Variants in CAB39 observed in about 807,000 individuals in gnomAD.
The protein encoded by CAB39 is calcium binding protein 39, also known as calcium-binding protein 39.
In CAB39, 8 loss-of-function variants were observed where a neutral mutation model predicts 40.0. The ratio of observed to expected loss-of-function variants is 0.20; its 90% CI spans 0.12 to 0.36. The LOEUF is 0.36. Among genes scored for constraint, CAB39 ranks in the 10% least tolerant of loss-of-function variants. The pLI is 1.00. For missense variants in CAB39, 270 were observed against 401.1 expected (o/e 0.67, Z 2.79); for synonymous variants, 156 against 141.6 (o/e 1.10, Z -0.72).
intron 2 of CAB39, among the ~76,000 whole-genome samples, chr2:230,771,061 ATAAAT>A (rs900670786): frequency 9.2e-5 from 14 of 152,340 alleles, no homozygotes; most frequent in African/African-American, 2.4e-4. Context: ...GGCAATAAAA[ATAAAT>A]TAAAGGCATT....
intron 2 of CAB39, among the ~76,000 whole-genome samples, chr2:230,790,422 C>G (rs1387532886): frequency 6.6e-6 from 1 of 152,172 alleles, no homozygotes; most frequent in Non-Finnish European, 1.5e-5. Flanking sequence ...CTTATTTCCT[C>G]CACACCTTTT....
chr2:230,759,238 C>T (rs1695247546), intron 1 of CAB39, among the ~76,000 whole-genome samples: 1 of 152,108 alleles, frequency 6.6e-6, no homozygotes, highest in African/African-American at 2.4e-5. Context: ...CTCTGAGACC[C>T]TGTGACTGCC....
At chr2:230,728,949 A>T (rs1694635417) in intron 1 of CAB39, among the ~76,000 whole-genome samples, 1 of 152,230 alleles carries the variant, frequency 6.6e-6, no homozygotes, top group Non-Finnish European at 1.5e-5. Flanking sequence ...CATTCTAAGT[A>T]AAACACCAGC....
At chr2:230,740,659 G>A (rs748444780) in intron 1 of CAB39, among the ~76,000 whole-genome samples, 1 of 152,126 alleles carries the variant, frequency 6.6e-6, no homozygotes, top group South Asian at 2.1e-4. Flanking sequence ...TAGATCCCTC[G>A]AATGCACAGT....
chr2:230,800,468 CAT>C (rs1412180392), intron 5 of CAB39, among the ~76,000 whole-genome samples: 1 of 152,202 alleles, frequency 6.6e-6, no homozygotes, highest in African/African-American at 2.4e-5. Flanking sequence ...GAGATTATAA[CAT>C]AGAGTGATCA....
intron 2 of CAB39, among the ~76,000 whole-genome samples, chr2:230,776,445 G>A (rs1047474844): frequency 6.6e-6 from 1 of 152,168 alleles, no homozygotes; most frequent in Admixed American, 6.5e-5. Flanking sequence ...TTTACAGTTT[G>A]TGTGGATATG....
At chr2:230,750,060 A>G (rs1349259387) in intron 1 of CAB39, among the ~76,000 whole-genome samples, 1 of 152,244 alleles carries the variant, frequency 6.6e-6, no homozygotes, top group East Asian at 1.9e-4. Context: ...GTAGGAACGA[A>G]CAAATGGAGA....
intron 1 of CAB39, among the ~76,000 whole-genome samples, chr2:230,731,240 A>T (rs1400296500): frequency 6.6e-6 from 1 of 152,234 alleles, no homozygotes; most frequent in Non-Finnish European, 1.5e-5. Flanking sequence ...TTTAACAAGT[A>T]GTAATGCTTA....
chr2:230,809,390 C>T (rs989672566), intron 5 of CAB39, among the ~76,000 whole-genome samples: 8 of 152,176 alleles, frequency 5.3e-5, no homozygotes, highest in African/African-American at 1.2e-4. Flanking sequence ...CGATGATTGG[C>T]GCTATCTTCT....
chr2:230,759,728 T>A (rs531913122), intron 1 of CAB39, among the ~76,000 whole-genome samples: 2 of 152,234 alleles, frequency 1.3e-5, no homozygotes, highest in East Asian at 3.8e-4. Context: ...GCAATTGATT[T>A]GAAGGAAAGA....
In CAB39 at chr2:230,717,946, T is replaced by C. The variant is rs371547609; in HGVS notation, c.-44+4716T>C. Among the ~76,000 whole-genome samples, 11 of 152,326 alleles carry C rather than the reference T, an allele frequency of 7.2e-5. No homozygotes were observed. In the East Asian group the frequency reaches 1.7e-3, roughly 24 times the overall value. On this transcript the variant is annotated intron_variant, in intron 1 of 8. Coordinates refer to ENST00000258418, the MANE Select transcript of CAB39 (RefSeq NM_016289.4). ...AGGGAGGTAAATCCTGCCTTGGCCC[T>C]TCATGTTGACCATATCCAGTGCATA...
At chr2:230,756,473 C>CTTA (rs2124914094) in intron 1 of CAB39, among the ~76,000 whole-genome samples, 1 of 152,210 alleles carries the variant, frequency 6.6e-6, no homozygotes, top group Non-Finnish European at 1.5e-5. Flanking sequence ...AAGCTTAATG[C>CTTA]TTAGCAAACC....
chr2:230,721,532 AT>A (rs1398249583), intron 1 of CAB39, among the ~76,000 whole-genome samples: 5 of 152,236 alleles, frequency 3.3e-5, no homozygotes, highest in Non-Finnish European at 7.3e-5. Flanking sequence ...ATTTGTGCTT[AT>A]TTGAAAGTGA....
At chr2:230,756,984 C>T (rs1344494353) in intron 1 of CAB39, among the ~76,000 whole-genome samples, 1 of 152,218 alleles carries the variant, frequency 6.6e-6, no homozygotes, top group Non-Finnish European at 1.5e-5. Context: ...AGCCACCATG[C>T]CCAGCCTTTA....
intron 1 of CAB39, chr2:230,725,146 C>T (rs1694539900): frequency 2.5e-6 from 4 of 1,613,282 alleles, no homozygotes; most frequent in Non-Finnish European, 3.4e-6. Context: ...GAGAGCATCA[C>T]AAGAAGGCGT....
At chr2:230,753,017 C>T (rs1695117322) in intron 1 of CAB39, among the ~76,000 whole-genome samples, 1 of 152,026 alleles carries the variant, frequency 6.6e-6, no homozygotes, top group East Asian at 1.9e-4. Context: ...GATGAGATCA[C>T]CCAGAGGGAA....
chr2:230,795,615 G>A (rs1002008339), intron 4 of CAB39, among the ~76,000 whole-genome samples: 1 of 152,264 alleles, frequency 6.6e-6, no homozygotes, highest in Non-Finnish European at 1.5e-5. Flanking sequence ...GGATTGACCG[G>A]TGGATGCAGG....
intron 2 of CAB39, among the ~76,000 whole-genome samples, chr2:230,774,703 AG>A (rs1357148092): frequency 6.6e-6 from 1 of 152,096 alleles, no homozygotes; most frequent in East Asian, 1.9e-4. Context: ...ATATTTTAAG[AG>A]GGGGGAAAGG....
chr2:230,753,581 C>T (rs1302791016), intron 1 of CAB39, among the ~76,000 whole-genome samples: 26 of 151,882 alleles, frequency 1.7e-4, no homozygotes, highest in Non-Finnish European at 7.4e-5. Flanking sequence ...GGTGAAACCC[C>T]GTCTCTACAA....
Sources: gnomAD v4.1 joint callset for allele counts (sites outside exome capture counted in the v4.1 genomes callset) on GRCh38, gnomAD v4.1.1 for gene constraint, MANE v1.5 for transcripts, NCBI Gene and HGNC (gene_info 2026-07-23, HGNC 2026-07-21) for gene names.